Variants in RUNX1 observed in about 807,000 individuals in gnomAD.
RUNX1 encodes the protein RUNX family transcription factor 1, also known as runt-related transcription factor 1.
A neutral mutation model predicts 42.8 loss-of-function variants in RUNX1; 19 were observed. The ratio of observed to expected loss-of-function variants is 0.44; its 90% confidence interval spans 0.31 to 0.65. RUNX1 has a LOEUF of 0.65. Among genes scored for constraint, RUNX1 ranks in the 30% least tolerant of loss-of-function variants. The pLI is 0.07. For synonymous variants in RUNX1, 271 were observed against 289.4 expected (o/e 0.94, Z 0.64); for missense variants, 528 against 672.0 (o/e 0.79, Z 2.37).
chr21:34,842,492 CAAAAAAAA>C (rs371971118), intron 6 of RUNX1, among the ~76,000 whole-genome samples: 4 of 52,218 alleles, frequency 7.7e-5, no homozygotes, highest in African/African-American at 3.5e-4. Flanking sequence ...GAGACCTCTC[CAAAAAAAA>C]AAAAAAAAAA....
chr21:35,039,915 G>A (rs752795206), intron 2 of RUNX1, among the ~76,000 whole-genome samples: 43 of 152,116 alleles, frequency 2.8e-4, no homozygotes, highest in Non-Finnish European at 4.4e-4. Context: ...TAAACTAGAA[G>A]CCTGAGTTTC....
At chr21:34,924,992 C>G (rs1273493896) in intron 2 of RUNX1, among the ~76,000 whole-genome samples, 1 of 150,816 alleles carries the variant, frequency 6.6e-6, no homozygotes, top group Non-Finnish European at 1.5e-5. Flanking sequence ...TAATTACTTC[C>G]CAAAGGCCCC....
intron 5 of RUNX1, among the ~76,000 whole-genome samples, chr21:34,869,607 T>C (rs1286232327): frequency 6.6e-6 from 1 of 152,206 alleles, no homozygotes; most frequent in African/African-American, 2.4e-5. Flanking sequence ...GTGCTGAGTT[T>C]ATACGTGGCC....
intron 2 of RUNX1, among the ~76,000 whole-genome samples, chr21:35,037,512 C>T (rs2059317504): frequency 6.6e-6 from 1 of 152,236 alleles, no homozygotes. Flanking sequence ...AAGCCTTTCG[C>T]TCTGTAAGGC....
intron 2 of RUNX1, among the ~76,000 whole-genome samples, chr21:34,960,663 GGTGGCTGCAACC>G (rs1219224593): frequency 6.6e-6 from 1 of 152,182 alleles, no homozygotes; most frequent in Non-Finnish European, 1.5e-5. Context: ...TTTGGTGCTT[GGTGGCTGCAACC>G]GTGGCTGAGT....
chr21:34,993,708 G>GAC lies in RUNX1; in HGVS notation c.58+55132_58+55133dup, dbSNP rs1350755047. Among the ~76,000 whole-genome samples the GAC allele has an allele frequency of 1.8e-4, 10 of 55,392 alleles. 1 individual carries two copies. The highest frequency in any genetic ancestry group is 8.3e-4 in the African/African-American group (9 of 10,858). 36.3% of individuals were successfully genotyped at this position (55,392 alleles called of 152,430 possible). On this transcript the variant is annotated intron_variant, in intron 2 of 8. Transcript: ENST00000675419. ...ACACACACAGGCGCACACACACACA[G>GAC]ACACACACAGGCACACACACACAGA... is the stretch of plus-strand genomic sequence containing the variant.
At chr21:34,992,674 T>TATA (rs767333755) in intron 2 of RUNX1, among the ~76,000 whole-genome samples, 2 of 129,570 alleles carry the variant, frequency 1.5e-5, no homozygotes, top group African/African-American at 5.4e-5. Context: ...ATTACAAATA[T>TATA]AAAAAAAAAA....
At chr21:34,930,703 ACT>A (rs71841507) in intron 2 of RUNX1, among the ~76,000 whole-genome samples, 27 of 149,140 alleles carry the variant, frequency 1.8e-4, no homozygotes, top group East Asian at 7.9e-4. Context: ...ACACACACAC[ACT>A]CTCTCTCTCT....
chr21:34,904,377 C>T (rs1162639971), intron 2 of RUNX1, among the ~76,000 whole-genome samples: 1 of 151,938 alleles, frequency 6.6e-6, no homozygotes, highest in Non-Finnish European at 1.5e-5. Flanking sequence ...TATATTTATA[C>T]GTGCAATGAA....
chr21:34,837,748 T>G (rs1428850270), intron 6 of RUNX1, among the ~76,000 whole-genome samples: 1 of 152,212 alleles, frequency 6.6e-6, no homozygotes, highest in Non-Finnish European at 1.5e-5. Flanking sequence ...TCTGAACACC[T>G]GCATGCTGGC....
intron 2 of RUNX1, among the ~76,000 whole-genome samples, chr21:34,932,672 A>G (rs959138141): frequency 6.6e-6 from 1 of 152,154 alleles, no homozygotes; most frequent in Non-Finnish European, 1.5e-5. Context: ...TTACTAACTC[A>G]AGTAGTAGAG....
intron 2 of RUNX1, 98 bp from the exon 3 acceptor site, chr21:34,893,061 T>G (rs1049552218): frequency 1.4e-6 from 1 of 736,452 alleles, no homozygotes; most frequent in African/African-American, 1.8e-5. Context: ...CTTCTTACAC[T>G]TTTTAGCACT....
chr21:34,958,074 C>T (rs2058657613), intron 2 of RUNX1, among the ~76,000 whole-genome samples: 1 of 152,152 alleles, frequency 6.6e-6, no homozygotes, highest in African/African-American at 2.4e-5. Flanking sequence ...TGGGGGCACT[C>T]AGAAGAATTA....
At chr21:35,027,656 G>A (rs557719806) in intron 2 of RUNX1, among the ~76,000 whole-genome samples, 2 of 152,192 alleles carry the variant, frequency 1.3e-5, no homozygotes, top group Non-Finnish European at 2.9e-5. Context: ...TTGGGGATTC[G>A]GGAGAGTTGA....
chr21:34,835,443 G>A (rs1048111176), intron 6 of RUNX1, among the ~76,000 whole-genome samples: 5 of 151,852 alleles, frequency 3.3e-5, no homozygotes, highest in African/African-American at 1.2e-4. Context: ...GGGATGGTGG[G>A]CCCCTCAGTG....
At chr21:34,820,000 C>T (rs938362727) in intron 7 of RUNX1, among the ~76,000 whole-genome samples, 2 of 152,232 alleles carry the variant, frequency 1.3e-5, no homozygotes, top group African/African-American at 4.8e-5. Context: ...CCTTTTGTAG[C>T]TGCTTCATTA....
At chr21:34,992,158 G>C (rs990475247) in intron 2 of RUNX1, among the ~76,000 whole-genome samples, 1 of 152,232 alleles carries the variant, frequency 6.6e-6, no homozygotes. Flanking sequence ...TGAAGCGGGC[G>C]GTGTCTCCAG....
At chr21:34,817,355 A>G (rs1257416538) in intron 7 of RUNX1, among the ~76,000 whole-genome samples, 2 of 152,348 alleles carry the variant, frequency 1.3e-5, no homozygotes, top group East Asian at 3.9e-4. Context: ...ATACTACAAG[A>G]AACAGACTGG....
intron 2 of RUNX1, among the ~76,000 whole-genome samples, chr21:34,954,120 C>T (rs1460984759): frequency 6.6e-6 from 1 of 152,200 alleles, no homozygotes; most frequent in East Asian, 1.9e-4. Flanking sequence ...ATATTATCTA[C>T]CAGCACATTT....
Sources: allele counts gnomAD v4.1 joint callset (sites outside exome capture counted in the v4.1 genomes callset), GRCh38; gene constraint gnomAD v4.1.1; transcripts MANE v1.5; gene names NCBI Gene and HGNC (gene_info 2026-07-23, HGNC 2026-07-21).